Variants in IL17B observed in about 807,000 individuals in gnomAD.
The protein encoded by IL17B is interleukin 17B.
A neutral mutation model predicts 14.7 loss-of-function variants in IL17B; 14 were observed. The ratio of observed to expected loss-of-function variants is 0.95; its 90% CI spans 0.63 to 1.49. The LOEUF is 1.49. Ranked by LOEUF, IL17B falls within the 40% of genes most tolerant of loss-of-function variation. The pLI is 0.00. For synonymous variants in IL17B, 105 were observed against 94.8 expected, an observed-to-expected ratio of 1.11 and a Z score of -0.62; for missense variants, 233 against 252.8, an observed-to-expected ratio of 0.92 and a Z score of 0.53.
chr5:149,392,977 C>CGT (rs902743122), intron 1 of IL17B, among the ~76,000 whole-genome samples: 1 of 141,118 alleles, frequency 7.1e-6, no homozygotes, highest in African/African-American at 2.6e-5. Context: ...TGCGCGCGTG[C>CGT]GTGTGTGTGT....
At chr5:149,383,124 A>G (rs1428486730), upstream of IL17B, among the ~76,000 whole-genome samples, 1 of 152,238 alleles carries the variant, frequency 6.6e-6, no homozygotes, top group Non-Finnish European at 1.5e-5. Context: ...AGTGAAGATA[A>G]TAATAACTTG....
chr5:149,388,691 AT>A (rs1758876902), intron 1 of IL17B, among the ~76,000 whole-genome samples: 3 of 152,246 alleles, frequency 2.0e-5, no homozygotes, highest in Non-Finnish European at 2.9e-5. Flanking sequence ...AAGTGTCCTT[AT>A]CCCTATGCTA....
chr5:149,378,373 C>G (rs1160348782), intron 1 of IL17B, among the ~76,000 whole-genome samples: 1 of 152,176 alleles, frequency 6.6e-6, no homozygotes, highest in Non-Finnish European at 1.5e-5. Flanking sequence ...CTCCCAGCAC[C>G]AGAGTATCAG....
chr5:149,390,587 G>GCACACACACACACACACACACACACA (rs56268721), intron 1 of IL17B, among the ~76,000 whole-genome samples: 1 of 114,880 alleles, frequency 8.7e-6, no homozygotes, highest in African/African-American at 3.5e-5. Flanking sequence ...CCCTGAGTTA[G>GCACACACACACACACACACACACACA]CACACACACA....
chr5:149,397,648 AGAACCCGTTG>A (rs1759117793), intron 1 of IL17B, among the ~76,000 whole-genome samples: 1 of 152,242 alleles, frequency 6.6e-6, no homozygotes. Flanking sequence ...CTAGAGAGAT[AGAACCCGTTG>A]GATGCGCATG....
intron 1 of IL17B, among the ~76,000 whole-genome samples, chr5:149,403,676 G>C (rs1759257835): frequency 6.6e-6 from 1 of 152,178 alleles, no homozygotes; most frequent in African/African-American, 2.4e-5. Context: ...GACAGGTTGG[G>C]AGGTGAGAAC....
In IL17B at chr5:149,376,866, C is replaced by T. The variant is rs1427644567; in HGVS notation, c.181G>A (p.Glu61Lys). 5.0e-6 allele frequency: 8 copies of T among 1,614,060 alleles called. No homozygotes were observed. In the African/African-American group the frequency reaches 6.7e-5, roughly 13 times the overall value. Reference protein sequence around the residue: ...SRMKPYARMEEYERNIEEMVA... With the variant: ...SRMKPYARMEKYERNIEEMVA... ...ATCTCCTCGATGTTCCTCTCATACT[C>T]CTCCATGCGGGCATACGGTTTCATC... The change falls in exon 2 of 3, where the codon GAG (glutamate) becomes AAG (lysine). Residue 61 changes from glutamate to lysine, a missense_variant. By Grantham distance (56) the Glu-to-Lys change is moderately conservative. Coordinates refer to ENST00000261796, the MANE Select transcript of IL17B (RefSeq NM_014443.3).
Position 149,376,994 on chromosome 5 carries a change from C to T in IL17B, c.53G>A (p.Gly18Glu). The change falls in exon 2 of 3, where the codon GGG (glycine) becomes GAG (glutamate). Residue 18 changes from glycine to glutamate, a missense_variant. Physicochemically the swap from Gly to Glu is moderately conservative, Grantham distance 98. Transcript: ENST00000261796. The stretch of plus-strand genomic sequence containing the variant: ...TTTGGGGCTCCTGGGCTGGCCCAGC[C>T]CCAGGAAGATGGAAATGGTAAGAAG... The part of the protein sequence containing the change: ...LFLLTISIFL[G>E]LGQPRSPKSK... 6.4e-7 allele frequency: 1 copy of T among 1,571,754 alleles called. No homozygotes were observed. Among genetic ancestry groups the T allele is most frequent in the South Asian group, 1.2e-5 (1 of 84,432 alleles).
chr5:149,390,630 C>CACAGAGAG (rs1491235916), intron 1 of IL17B, among the ~76,000 whole-genome samples: 20 of 132,084 alleles, frequency 1.5e-4, no homozygotes, highest in African/African-American at 5.5e-4. Flanking sequence ...CACACACACA[C>CACAGAGAG]AGAGATACAC....
chr5:149,396,718 G>A (rs549321334), intron 1 of IL17B, among the ~76,000 whole-genome samples: 3 of 152,184 alleles, frequency 2.0e-5, no homozygotes, highest in Admixed American at 6.5e-5. Flanking sequence ...TGCCATGATC[G>A]CACCATTGCA....
intron 2 of IL17B, among the ~76,000 whole-genome samples, chr5:149,375,773 G>A (rs918670136): frequency 9.2e-5 from 14 of 152,152 alleles, no homozygotes; most frequent in Admixed American, 2.6e-4. Flanking sequence ...CCAGCTACTG[G>A]GAGGCTGAGG....
intron 1 of IL17B, among the ~76,000 whole-genome samples, chr5:149,377,865 C>T (rs867532604): frequency 5.9e-5 from 9 of 152,112 alleles, no homozygotes; most frequent in Middle Eastern, 6.8e-3. Flanking sequence ...TTGCTGTGGC[C>T]GGGCGTGGTG....
rs1354712962 is a variant in IL17B at position 149,376,925 on chromosome 5, C to A, written c.122G>T (p.Gly41Val). Reference protein sequence around the residue: ...GQGRPGPLAPGPHQVPLDLVS... With the variant: ...GQGRPGPLAPVPHQVPLDLVS... ...CAGGTCCAGTGGCACCTGGTGAGGGCCAGGGGCCAGGGGCCCAGGCCGCCC... is the reference window on the plus strand; with the variant it reads ...CAGGTCCAGTGGCACCTGGTGAGGGACAGGGGCCAGGGGCCCAGGCCGCCC... The change falls in exon 2 of 3, where the codon GGC (glycine) becomes GTC (valine). Residue 41 changes from glycine to valine, a missense_variant. Coordinates refer to ENST00000261796, the MANE Select transcript of IL17B (RefSeq NM_014443.3). 1.9e-6 allele frequency: 3 copies of A among 1,613,464 alleles called. No individual in the cohort carries two copies. In the Admixed American group the frequency reaches 5.0e-5, roughly 27 times the overall value.
intron 1 of IL17B, among the ~76,000 whole-genome samples, chr5:149,384,909 C>CTTT (rs531690396): frequency 3.0e-5 from 4 of 131,782 alleles, no homozygotes; most frequent in Admixed American, 7.7e-5. Flanking sequence ...GGTTGTTGAG[C>CTTT]TTTTTTTTTT....
At chr5:149,401,928 G>A (rs897770412) in intron 1 of IL17B, among the ~76,000 whole-genome samples, 9 of 152,086 alleles carry the variant, frequency 5.9e-5, no homozygotes, top group East Asian at 3.9e-4. Flanking sequence ...CACATCGAAC[G>A]GTGCATTTTA....
rs201298520 is a variant in IL17B, at chr5:149,374,385, C to T, written c.527G>A (p.Cys176Tyr). The change falls in exon 3 of 3, where the codon TGC becomes TAC. Residue 176 changes from cysteine (C) to tyrosine (Y), a missense_variant. Transcript: ENST00000261796. This position sits in a 1 kb window ranked among gnomAD's most constrained non-coding sequence, Gnocchi z 5.0. ...RAVMETIAVG[C>Y]TCIF ...CCAGGTGATTCAGAAGATGCAGGTG[C>T]AGCCCACAGCGATGGTCTCCATGAC... The T allele has an allele frequency of 2.9e-5, 45 of 1,578,804 alleles. No individual in the cohort carries two copies. The Admixed American group carries it at 3.4e-4, about 12-fold the overall frequency.
At chr5:149,398,301 A>G (rs1269967035) in intron 1 of IL17B, among the ~76,000 whole-genome samples, 1 of 152,230 alleles carries the variant, frequency 6.6e-6, no homozygotes, top group Non-Finnish European at 1.5e-5. Flanking sequence ...GGACTTTAAC[A>G]TTCAGGATTA....
chr5:149,399,683 T>C (rs1308681028), intron 1 of IL17B, among the ~76,000 whole-genome samples: 1 of 152,146 alleles, frequency 6.6e-6, no homozygotes, highest in Non-Finnish European at 1.5e-5. Flanking sequence ...TTTGATTAGC[T>C]GTGGCTGTCA....
At chr5:149,386,850 C>T (rs1758836415) in intron 1 of IL17B, among the ~76,000 whole-genome samples, 1 of 152,166 alleles carries the variant, frequency 6.6e-6, no homozygotes, top group South Asian at 2.1e-4. Context: ...AGGTTACAGG[C>T]ATGCACCACT....
Sources: allele counts gnomAD v4.1 joint callset (sites outside exome capture counted in the v4.1 genomes callset), GRCh38; gene constraint gnomAD v4.1.1; non-coding constraint Gnocchi (gnomAD v3.1); transcripts MANE v1.5; gene names NCBI Gene and HGNC (gene_info 2026-07-23, HGNC 2026-07-21).